Variants in XKR4 observed in about 807,000 individuals in gnomAD.
XKR4 encodes XK-related protein 4.
XKR4 carries 12 observed loss-of-function variants against 53.9 expected under a neutral mutation model. The observed-to-expected ratio is 0.22, with a 90% CI of 0.14 to 0.36. The LOEUF is 0.36. Among genes scored for constraint, XKR4 ranks in the 10% least tolerant of loss-of-function variants. The pLI is 1.00. For synonymous variants in XKR4, 354 were observed against 362.4 expected (o/e 0.98, Z 0.26); for missense variants, 799 against 859.5 (o/e 0.93, Z 0.88).
chr8:55,170,645 G>A (rs1817144759), intron 1 of XKR4, among the ~76,000 whole-genome samples: 1 of 151,724 alleles, frequency 6.6e-6, no homozygotes, highest in Non-Finnish European at 1.5e-5. Flanking sequence ...AATTAATGCA[G>A]ATATGCATGA....
rs1231487900 is a variant in XKR4 at position 55,207,926 on chromosome 8, C to A, written c.806+104632C>A. On this transcript the variant is annotated intron_variant, in intron 1 of 2. Transcript: ENST00000327381. ...CCCTTGTTACAACTGCTTCAGGAAA[C>A]CATGTCATAAATGTTTGGAGACGAC... 3.9e-5 allele frequency among the ~76,000 whole-genome samples: 6 copies of A among 152,214 alleles called. No individual in the cohort carries two copies. The South Asian group carries it at 6.2e-4, about 16-fold the overall frequency.
intron 2 of XKR4, chr8:55,454,701 G>C: frequency 1.2e-6 from 1 of 864,190 alleles, no homozygotes; most frequent in Non-Finnish European, 2.0e-6. Context: ...CCTCCACGTG[G>C]ACGGCATAGA....
rs533607534 is a variant in XKR4 at position 55,457,146 on chromosome 8, C to CTTTTCTTTTTTTTTTTT, written c.1007-66131_1007-66130insCTTTTTTTTTTTTTTTT. 2.8e-4 allele frequency among the ~76,000 whole-genome samples: 39 copies of CTTTTCTTTTTTTTTTTT among 137,250 alleles called. 2 individuals carry two copies. The highest frequency in any genetic ancestry group is 4.6e-4 in the South Asian group (2 of 4,370). The allele number at this position is 137,250 out of a possible 152,430, so 90.0% of individuals were successfully genotyped here. A position where few individuals can be genotyped will look rare whatever the true frequency, so the allele number is the denominator to read the frequency against. On this transcript the variant is annotated intron_variant, in intron 2 of 2. Coordinates refer to ENST00000327381, the MANE Select transcript of XKR4 (RefSeq NM_052898.2). ...CAAGTGCTGAATTTTTTTTCCTTTT[C>CTTTTCTTTTTTTTTTTT]TTTTTTTTTTTTTTGAGACTGAGTC... is the stretch of plus-strand genomic sequence containing the variant.
At chr8:55,278,160 C>T (rs1024591632) in intron 1 of XKR4, among the ~76,000 whole-genome samples, 2 of 152,028 alleles carry the variant, frequency 1.3e-5, no homozygotes, top group Non-Finnish European at 2.9e-5. Context: ...CGTGGCAAAA[C>T]CCTGTCCCTA....
intron 2 of XKR4, among the ~76,000 whole-genome samples, chr8:55,424,428 C>T (rs1481039339): frequency 6.6e-6 from 1 of 152,212 alleles, no homozygotes; most frequent in East Asian, 1.9e-4. Flanking sequence ...TTGGTACTAT[C>T]ATTATGCACA....
At chr8:55,311,256 A>G (rs1320155339) in intron 1 of XKR4, among the ~76,000 whole-genome samples, 1 of 152,224 alleles carries the variant, frequency 6.6e-6, no homozygotes, top group Non-Finnish European at 1.5e-5. Context: ...TGACACTCAC[A>G]GTGTCATGGG....
intron 1 of XKR4, among the ~76,000 whole-genome samples, chr8:55,341,548 C>T (rs1023213066): frequency 1.3e-5 from 2 of 152,194 alleles, no homozygotes; most frequent in Non-Finnish European, 2.9e-5. Context: ...AAGGATATTT[C>T]TGACTACTCT....
At chr8:55,519,800 A>G (rs1806774631) in intron 2 of XKR4, among the ~76,000 whole-genome samples, 2 of 152,372 alleles carry the variant, frequency 1.3e-5, no homozygotes, top group South Asian at 2.1e-4. Flanking sequence ...AAACACTGGC[A>G]TATTTTAGGA....
intron 2 of XKR4, among the ~76,000 whole-genome samples, chr8:55,377,534 A>G (rs1804168419): frequency 6.6e-6 from 1 of 152,192 alleles, no homozygotes; most frequent in Non-Finnish European, 1.5e-5. Context: ...GGAATACCTC[A>G]CTGCTTTTTC....
At position 55,390,733 on chromosome 8, in the gene XKR4, AT is replaced by A. The variant is rs549812183; in HGVS notation, c.1006+32857del. On this transcript the variant is annotated intron_variant, in intron 2 of 2. Transcript: ENST00000327381. ...TTCATGCACCATCTTCTGGCCCTGA[AT>A]CACCTGGCACTGGTTTCTTCCCTGT... 1.6e-3 allele frequency among the ~76,000 whole-genome samples: 250 copies of A among 152,264 alleles called. 1 individual carries two copies. Among genetic ancestry groups the A allele is most frequent in the Non-Finnish European group, 2.2e-3 (152 of 68,016 alleles).
At chr8:55,333,564 T>C (rs1366110311) in intron 1 of XKR4, among the ~76,000 whole-genome samples, 1 of 152,202 alleles carries the variant, frequency 6.6e-6, no homozygotes, top group Non-Finnish European at 1.5e-5. Flanking sequence ...TGTTCTATTG[T>C]ATTTCTCAAT....
chr8:55,373,359 G>T (rs1241682233), intron 2 of XKR4, among the ~76,000 whole-genome samples: 2 of 152,064 alleles, frequency 1.3e-5, no homozygotes, highest in Admixed American at 1.3e-4. Context: ...TAGAGATGGG[G>T]TTTCACCATG....
chr8:55,439,989 A>G (rs1250276020), intron 2 of XKR4, among the ~76,000 whole-genome samples: 1 of 152,214 alleles, frequency 6.6e-6, no homozygotes, highest in Non-Finnish European at 1.5e-5. Flanking sequence ...GATGCAGAGA[A>G]GGATGAAGCC....
At chr8:55,296,288 T>C (rs954076090) in intron 1 of XKR4, among the ~76,000 whole-genome samples, 4 of 152,148 alleles carry the variant, frequency 2.6e-5, no homozygotes, top group Non-Finnish European at 5.9e-5. Flanking sequence ...GGTTTAGAAG[T>C]TAGTCACACA....
intron 2 of XKR4, among the ~76,000 whole-genome samples, chr8:55,375,873 C>T (rs947295689): frequency 9.9e-5 from 15 of 152,022 alleles, no homozygotes; most frequent in Non-Finnish European, 1.3e-4. Flanking sequence ...TTCCCTGATG[C>T]GATCCCCCAC....
chr8:55,488,115 T>C (rs929795808), intron 2 of XKR4, among the ~76,000 whole-genome samples: 7 of 152,206 alleles, frequency 4.6e-5, no homozygotes, highest in African/African-American at 1.7e-4. Context: ...TTCAGGATTA[T>C]GATCAGCAGC....
intron 2 of XKR4, among the ~76,000 whole-genome samples, chr8:55,421,263 T>G (rs927360970): frequency 1.4e-5 from 2 of 147,528 alleles, no homozygotes; most frequent in Non-Finnish European, 2.9e-5. Context: ...TCTGGTAGAT[T>G]AAGCAAATTT....
chr8:55,116,607 A>G (rs1255135361), intron 1 of XKR4, among the ~76,000 whole-genome samples: 4 of 152,158 alleles, frequency 2.6e-5, no homozygotes, highest in Non-Finnish European at 5.9e-5. Context: ...TTGTGTAGAC[A>G]TGTTATTGAT....
intron 1 of XKR4, among the ~76,000 whole-genome samples, chr8:55,187,674 CTGTT>C (rs1367196631): frequency 1.3e-5 from 2 of 152,166 alleles, no homozygotes; most frequent in Non-Finnish European, 2.9e-5. Context: ...CTATTTGTCT[CTGTT>C]TGGGGATGTT....
Sources: gnomAD v4.1 joint callset for allele counts (sites outside exome capture counted in the v4.1 genomes callset) on GRCh38, gnomAD v4.1.1 for gene constraint, MANE v1.5 for transcripts, NCBI Gene and HGNC (gene_info 2026-07-23, HGNC 2026-07-21) for gene names.